PRKG1: variants seen among roughly 807,000 people sequenced by gnomAD.
PRKG1 encodes the protein protein kinase cGMP-dependent 1.
A neutral mutation model predicts 88.1 loss-of-function variants in PRKG1; 35 were observed. The observed-to-expected ratio is 0.40, with a 90% CI of 0.30 to 0.53. PRKG1 has a LOEUF of 0.53. Among genes scored for constraint, PRKG1 ranks in the 20% least tolerant of loss-of-function variants. The probability of loss-of-function intolerance (pLI) is 0.59; values close to 1 mark genes in which losing one functional copy is unlikely to be tolerated. For synonymous variants in PRKG1, 303 were observed against 292.5 expected (o/e 1.04, Z -0.37); for missense variants, 540 against 839.8 (o/e 0.64, Z 4.41).
intron 3 of PRKG1, among the ~76,000 whole-genome samples, chr10:51,662,387 G>T (rs1840321900): frequency 6.6e-6 from 1 of 152,064 alleles, no homozygotes; most frequent in African/African-American, 2.4e-5. Flanking sequence ...AAAGATAAAA[G>T]TAATCCTTCA....
At chr10:51,578,988 T>G (rs1288720723) in intron 3 of PRKG1, among the ~76,000 whole-genome samples, 1 of 136,166 alleles carries the variant, frequency 7.3e-6, no homozygotes, top group East Asian at 2.0e-4. Flanking sequence ...TGGTTTTTTT[T>G]TTTTTTTTTT....
At chr10:51,312,454 A>G (rs1841213275) in intron 2 of PRKG1, among the ~76,000 whole-genome samples, 1 of 152,198 alleles carries the variant, frequency 6.6e-6, no homozygotes, top group Non-Finnish European at 1.5e-5. Flanking sequence ...ACTCACTGTC[A>G]GGGTGACCCA....
chr10:51,519,342 A>C (rs754907762), intron 3 of PRKG1, among the ~76,000 whole-genome samples: 7 of 152,148 alleles, frequency 4.6e-5, no homozygotes, highest in Non-Finnish European at 1.0e-4. Flanking sequence ...AAGTCTCAAA[A>C]ATTTGGGATA....
chr10:51,512,397 A>G (rs1277140850), intron 3 of PRKG1, among the ~76,000 whole-genome samples: 2 of 129,224 alleles, frequency 1.5e-5, no homozygotes, highest in East Asian at 2.3e-4. Flanking sequence ...TCCTGTGTCC[A>G]TGTGATCTCA....
At chr10:52,252,236 T>C (rs1841189807) in intron 10 of PRKG1, 2 of 152,124 alleles carry the variant, frequency 1.3e-5, no homozygotes, top group Admixed American at 1.3e-4. Context: ...CATACATCTA[T>C]ATATTCATGA....
At chr10:51,511,651 A>G (rs1167622890) in intron 3 of PRKG1, among the ~76,000 whole-genome samples, 1 of 152,210 alleles carries the variant, frequency 6.6e-6, no homozygotes. Context: ...CAGTAACACT[A>G]CAATGGTTAA....
At chr10:51,766,521 C>A (rs183722537) in intron 3 of PRKG1, among the ~76,000 whole-genome samples, 1 of 152,090 alleles carries the variant, frequency 6.6e-6, no homozygotes, top group African/African-American at 2.4e-5. Context: ...CCTATCTGTG[C>A]CTGCAGTTTA....
intron 2 of PRKG1, among the ~76,000 whole-genome samples, chr10:51,168,398 G>A (rs1263941329): frequency 2.0e-5 from 3 of 152,072 alleles, no homozygotes; most frequent in South Asian, 2.1e-4. Context: ...TTTTAAAAAT[G>A]TAGTTAATTT....
At chr10:51,654,323 T>C (rs1014674502) in intron 3 of PRKG1, among the ~76,000 whole-genome samples, 3 of 152,286 alleles carry the variant, frequency 2.0e-5, no homozygotes, top group African/African-American at 7.2e-5. Context: ...CTTTTCAAAG[T>C]TTAATTGACT....
intron 3 of PRKG1, among the ~76,000 whole-genome samples, chr10:51,638,283 T>C (rs1839709322): frequency 6.6e-6 from 1 of 152,144 alleles, no homozygotes; most frequent in Non-Finnish European, 1.5e-5. Flanking sequence ...AAAATAGTAA[T>C]GGAAGTCTTA....
intron 3 of PRKG1, among the ~76,000 whole-genome samples, chr10:51,765,815 A>ATTTTTTTTTTTT (rs398046339): frequency 1.1e-4 from 15 of 134,666 alleles, no homozygotes; most frequent in South Asian, 2.6e-4. Context: ...GCCTTACATG[A>ATTTTTTTTTTTT]TTTTTTTTTT....
chr10:51,522,795 TA>T (rs1038371199), intron 3 of PRKG1, among the ~76,000 whole-genome samples: 3 of 152,256 alleles, frequency 2.0e-5, no homozygotes, highest in Non-Finnish European at 4.4e-5. Context: ...GTGTCAATCA[TA>T]GGCAATTCTG....
At chr10:51,479,256 AG>A (rs1413064893) in intron 3 of PRKG1, among the ~76,000 whole-genome samples, 3 of 152,082 alleles carry the variant, frequency 2.0e-5, no homozygotes, top group Non-Finnish European at 4.4e-5. Context: ...TGATCATAAA[AG>A]TAATGTGTTT....
At chr10:52,167,682 C>T (rs193040328) in intron 9 of PRKG1, among the ~76,000 whole-genome samples, 8 of 150,886 alleles carry the variant, frequency 5.3e-5, no homozygotes, top group African/African-American at 1.2e-4. Flanking sequence ...TTCCATCTAG[C>T]GATGCTTTTC....
intron 2 of PRKG1, among the ~76,000 whole-genome samples, chr10:51,398,196 A>T (rs4935246): frequency 6.6e-6 from 1 of 151,986 alleles, no homozygotes; most frequent in Admixed American, 6.6e-5. Flanking sequence ...TAGTTTTTCC[A>T]TGGGACAGGG....
chr10:51,544,673 C>G (rs1842402361), intron 3 of PRKG1, among the ~76,000 whole-genome samples: 1 of 152,148 alleles, frequency 6.6e-6, no homozygotes, highest in Non-Finnish European at 1.5e-5. Flanking sequence ...GTCCCACCAA[C>G]AGTGTAAAAG....
At chr10:51,392,530 T>G (rs1319861222) in intron 2 of PRKG1, among the ~76,000 whole-genome samples, 2 of 152,094 alleles carry the variant, frequency 1.3e-5, no homozygotes, top group Non-Finnish European at 2.9e-5. Context: ...CATGTCTACT[T>G]CTTTCTACAC....
chr10:51,288,785 C>A (rs966358608), intron 2 of PRKG1, among the ~76,000 whole-genome samples: 25 of 152,220 alleles, frequency 1.6e-4, no homozygotes, highest in African/African-American at 6.0e-4. Context: ...CAGAGGGGAG[C>A]AAAGAGGTAT....
At chr10:51,924,670 G>A (rs1191593322) in intron 5 of PRKG1, among the ~76,000 whole-genome samples, 1 of 147,490 alleles carries the variant, frequency 6.8e-6, no homozygotes, top group East Asian at 2.0e-4. Context: ...TTCTAATTAC[G>A]TATATGTTGC....
Sources: gnomAD v4.1 joint callset for allele counts (sites outside exome capture counted in the v4.1 genomes callset) on GRCh38, gnomAD v4.1.1 for gene constraint, MANE v1.5 for transcripts, NCBI Gene and HGNC (gene_info 2026-07-23, HGNC 2026-07-21) for gene names.